DEPDC1B: variants seen among roughly 807,000 people sequenced by gnomAD.
DEPDC1B encodes the protein DEP domain-containing protein 1B.
A neutral mutation model predicts 66.5 loss-of-function variants in DEPDC1B; 51 were observed. The ratio of observed to expected loss-of-function variants is 0.77; its 90% CI spans 0.61 to 0.97. The LOEUF is 0.97. Among genes scored for constraint, DEPDC1B ranks in the 50% least tolerant of loss-of-function variants. The pLI, the probability that DEPDC1B is intolerant of heterozygous loss-of-function variation, is 0.00. For synonymous variants in DEPDC1B, 226 were observed against 223.6 expected (o/e 1.01, Z -0.10); for missense variants, 552 against 637.1 (o/e 0.87, Z 1.44).
At position 60,687,230 on chromosome 5, in the gene DEPDC1B, A is replaced by G. The variant is rs1754440750; in HGVS notation, c.49-3T>C. On this transcript the variant is annotated splice_region_variant and splice_polypyrimidine_tract_variant and intron_variant, in intron 1 of 10. Transcript: ENST00000265036. ...AAAAGCTCCACGGTCTCATTCCACT[A>G]GGGGAAAGAAAGAGAATGGCATTTA... 1 of 1,598,530 alleles carries G rather than the reference A, an allele frequency of 6.3e-7. No homozygotes were observed.
At chr5:60,635,127 C>G in intron 7 of DEPDC1B, among the ~76,000 whole-genome samples, 1 of 151,356 alleles carries the variant, frequency 6.6e-6, no homozygotes, top group Non-Finnish European at 1.5e-5. Context: ...GCACCATTGG[C>G]AAGAACTTTG....
At chr5:60,691,989 T>C (rs1328701792) in intron 1 of DEPDC1B, among the ~76,000 whole-genome samples, 1 of 152,166 alleles carries the variant, frequency 6.6e-6, no homozygotes, top group Non-Finnish European at 1.5e-5. Flanking sequence ...TACAATATAA[T>C]ACTATTCAGC....
intron 2 of DEPDC1B, among the ~76,000 whole-genome samples, chr5:60,657,773 G>T (rs1273546460): frequency 1.3e-5 from 2 of 152,170 alleles, no homozygotes; most frequent in Non-Finnish European, 2.9e-5. Context: ...GTGCCTAGGT[G>T]ATTACCTTTT....
At chr5:60,614,108 G>A (rs1272254977) in intron 7 of DEPDC1B, among the ~76,000 whole-genome samples, 1 of 152,042 alleles carries the variant, frequency 6.6e-6, no homozygotes, top group Non-Finnish European at 1.5e-5. Context: ...TCCTATAAAA[G>A]AGGGCAACAG....
intron 2 of DEPDC1B, among the ~76,000 whole-genome samples, chr5:60,661,676 A>G (rs1434250069): frequency 6.6e-6 from 1 of 152,230 alleles, no homozygotes; most frequent in Non-Finnish European, 1.5e-5. Context: ...CTGCTAGATC[A>G]GATACTAACC....
At chr5:60,680,534 T>G (rs919390442) in intron 2 of DEPDC1B, among the ~76,000 whole-genome samples, 4 of 152,224 alleles carry the variant, frequency 2.6e-5, no homozygotes, top group African/African-American at 4.8e-5. Context: ...ATCTTTGTTA[T>G]AAAATTCTCT....
At chr5:60,629,761 G>A (rs1432143871) in intron 7 of DEPDC1B, among the ~76,000 whole-genome samples, 1 of 152,108 alleles carries the variant, frequency 6.6e-6, no homozygotes, top group Non-Finnish European at 1.5e-5. Context: ...TCTTATACAT[G>A]TTAGATAACA....
At chr5:60,673,858 T>C (rs917195838) in intron 2 of DEPDC1B, among the ~76,000 whole-genome samples, 3 of 152,226 alleles carry the variant, frequency 2.0e-5, no homozygotes, top group Non-Finnish European at 1.5e-5. Flanking sequence ...TCTGTGTAAA[T>C]TGGGAGCTTT....
chr5:60,637,483 G>C (rs1039964156), intron 7 of DEPDC1B, among the ~76,000 whole-genome samples: 1 of 152,220 alleles, frequency 6.6e-6, no homozygotes, highest in Admixed American at 6.5e-5. Flanking sequence ...GCAGAACCAT[G>C]AGCCAATTAA....
chr5:60,696,631 A>G (rs1213964792), intron 1 of DEPDC1B, among the ~76,000 whole-genome samples: 1 of 152,162 alleles, frequency 6.6e-6, no homozygotes, highest in African/African-American at 2.4e-5. Flanking sequence ...TTTTCATGAC[A>G]TTATATTTGA....
chr5:60,677,444 C>T (rs754219015), intron 2 of DEPDC1B, among the ~76,000 whole-genome samples: 4 of 151,830 alleles, frequency 2.6e-5, no homozygotes, highest in Non-Finnish European at 5.9e-5. Flanking sequence ...GATTGGAAAA[C>T]ATGTGATAGG....
intron 1 of DEPDC1B, among the ~76,000 whole-genome samples, chr5:60,694,259 C>T (rs764029317): frequency 2.6e-5 from 4 of 152,116 alleles, no homozygotes; most frequent in Non-Finnish European, 5.9e-5. Context: ...TCCTAAAACA[C>T]GCTTTTGCAC....
rs1483920882 is a variant in DEPDC1B at position 60,615,845 on chromosome 5, T to A, written c.899-9989A>T. On this transcript the variant is annotated intron_variant, in intron 7 of 10. Coordinates refer to ENST00000265036, the MANE Select transcript of DEPDC1B (RefSeq NM_018369.3). Reference sequence around the variant, plus strand: ...ATCTGAGAATGGACAGACTGCCTCCTCAAGTGGGTCCCTGACTCCCGAGTA... The same window carrying A: ...ATCTGAGAATGGACAGACTGCCTCCACAAGTGGGTCCCTGACTCCCGAGTA... Among the ~76,000 whole-genome samples, 14 of 152,282 alleles carry A rather than the reference T, an allele frequency of 9.2e-5. No homozygotes were observed. In the South Asian group the frequency reaches 2.9e-3, roughly 32 times the overall value.
At chr5:60,608,314 T>C (rs1027450368) in intron 7 of DEPDC1B, among the ~76,000 whole-genome samples, 35 of 152,128 alleles carry the variant, frequency 2.3e-4, no homozygotes, top group African/African-American at 8.0e-4. Flanking sequence ...GTATCTACAT[T>C]GCTTTATGAA....
intron 1 of DEPDC1B, among the ~76,000 whole-genome samples, chr5:60,688,006 C>T: frequency 6.6e-6 from 1 of 151,960 alleles, no homozygotes; most frequent in South Asian, 2.1e-4. Context: ...AAAACTAAGC[C>T]CACTGTGCAA....
chr5:60,663,030 G>A (rs1051688658), intron 2 of DEPDC1B, among the ~76,000 whole-genome samples: 7 of 152,122 alleles, frequency 4.6e-5, no homozygotes, highest in Non-Finnish European at 8.8e-5. Context: ...CTTTTCACAT[G>A]CCTTTCTAAT....
intron 10 of DEPDC1B, among the ~76,000 whole-genome samples, chr5:60,598,662 T>C (rs1400686782): frequency 1.3e-5 from 2 of 152,234 alleles, no homozygotes. Flanking sequence ...ATAGTGGCTA[T>C]CTAAAACCAA....
At chr5:60,657,926 A>G (rs1036176905) in intron 2 of DEPDC1B, among the ~76,000 whole-genome samples, 2 of 152,150 alleles carry the variant, frequency 1.3e-5, no homozygotes, top group Non-Finnish European at 2.9e-5. Flanking sequence ...AGGAAGACCA[A>G]TTACTCTTAG....
intron 2 of DEPDC1B, among the ~76,000 whole-genome samples, chr5:60,665,953 G>T (rs1753827523): frequency 6.6e-6 from 1 of 152,186 alleles, no homozygotes; most frequent in Non-Finnish European, 1.5e-5. Flanking sequence ...ATTCCAGCAG[G>T]GAGCAGCAAC....
Sources: allele counts gnomAD v4.1 joint callset (sites outside exome capture counted in the v4.1 genomes callset), GRCh38; gene constraint gnomAD v4.1.1; transcripts MANE v1.5; gene names NCBI Gene and HGNC (gene_info 2026-07-23, HGNC 2026-07-21).